IQCM: variants seen among roughly 807,000 people sequenced by gnomAD.
The protein encoded by IQCM is IQ domain-containing protein M.
Under a neutral mutation model 57.6 loss-of-function variants are expected in IQCM, and 45 were observed. That is an observed-to-expected ratio of 0.78 (90% CI 0.62 to 1.00). The LOEUF is 1.00. IQCM is among the 50% of genes least tolerant of loss of function. IQCM has a pLI of 0.00. For missense variants in IQCM, 468 were observed against 511.6 expected, an observed-to-expected ratio of 0.91 and a Z score of 0.82; for synonymous variants, 148 against 158.9, an observed-to-expected ratio of 0.93 and a Z score of 0.51.
chr4:149,622,748 C>A (rs956111292), intron 7 of IQCM, among the ~76,000 whole-genome samples: 4 of 152,084 alleles, frequency 2.6e-5, no homozygotes, highest in Non-Finnish European at 5.9e-5. Flanking sequence ...GATGTATACA[C>A]CCTTACGTTT....
chr4:149,643,467 T>C (rs1758379503), intron 7 of IQCM, among the ~76,000 whole-genome samples: 1 of 152,174 alleles, frequency 6.6e-6, no homozygotes, highest in South Asian at 2.1e-4. Flanking sequence ...CCACAGGTGA[T>C]AAGACATTTA....
intron 12 of IQCM, among the ~76,000 whole-genome samples, chr4:149,472,300 A>T (rs528077832): frequency 1.6e-3 from 250 of 152,308 alleles, no homozygotes; most frequent in African/African-American, 5.8e-3. Context: ...AATGTACAAA[A>T]ATCACAAGCA....
At chr4:149,546,456 T>G in intron 12 of IQCM, among the ~76,000 whole-genome samples, 1 of 152,226 alleles carries the variant, frequency 6.6e-6, no homozygotes, top group Non-Finnish European at 1.5e-5. Context: ...AGTGTTACTA[T>G]TTCTCCACAT....
intron 2 of IQCM, among the ~76,000 whole-genome samples, chr4:149,752,202 G>A (rs1322869887): frequency 1.3e-5 from 2 of 152,052 alleles, no homozygotes; most frequent in Non-Finnish European, 2.9e-5. Context: ...AAATCCCTGG[G>A]AGGAATAACA....
chr4:149,681,771 C>T (rs1418877649), intron 7 of IQCM, among the ~76,000 whole-genome samples: 2 of 151,140 alleles, frequency 1.3e-5, no homozygotes, highest in Non-Finnish European at 3.0e-5. Context: ...ATTTAAGGGA[C>T]TTTAAAGAAT....
At chr4:149,810,610 C>T (rs1190113601) in intron 2 of IQCM, among the ~76,000 whole-genome samples, 4 of 151,744 alleles carry the variant, frequency 2.6e-5, no homozygotes, top group Non-Finnish European at 4.4e-5. Flanking sequence ...CCACCACGCC[C>T]GGCTAAGTTT....
rs556338385 is a variant in IQCM, at chr4:149,757,083, C to T, written c.-48-14344G>A. 3.3e-5 allele frequency among the ~76,000 whole-genome samples: 5 copies of T among 152,046 alleles called. No individual in the cohort carries two copies. The South Asian group carries it at 1.0e-3, about 32-fold the overall frequency. On this transcript the variant is annotated intron_variant, in intron 2 of 13. Transcript: ENST00000636793. Reference sequence around the variant, plus strand: ...ACCATCCTGGCTAACACAGTGAAACCCCATCTCTACTAAAAATACAAAAAA... The same window carrying T: ...ACCATCCTGGCTAACACAGTGAAACTCCATCTCTACTAAAAATACAAAAAA...
chr4:149,392,730 T>C (rs1731953842), intron 13 of IQCM, among the ~76,000 whole-genome samples: 1 of 151,860 alleles, frequency 6.6e-6, no homozygotes, highest in African/African-American at 2.4e-5. Context: ...AAACTCAGAA[T>C]CCAAAATTTA....
At chr4:149,742,986 CTAT>C (rs1229610624) in intron 2 of IQCM, among the ~76,000 whole-genome samples, 1 of 152,022 alleles carries the variant, frequency 6.6e-6, no homozygotes, top group Non-Finnish European at 1.5e-5. Flanking sequence ...CTGATAAGAA[CTAT>C]TATTATGAAT....
chr4:149,509,910 T>C (rs539860577), intron 12 of IQCM, among the ~76,000 whole-genome samples: 7 of 152,298 alleles, frequency 4.6e-5, no homozygotes. Flanking sequence ...TAACTTTCTT[T>C]TCATTTCAAT....
At chr4:149,461,454 A>G (rs548795361) in intron 12 of IQCM, among the ~76,000 whole-genome samples, 1 of 152,082 alleles carries the variant, frequency 6.6e-6, no homozygotes, top group East Asian at 1.9e-4. Context: ...AAAATGTAAA[A>G]ACAAACATGA....
intron 12 of IQCM, among the ~76,000 whole-genome samples, chr4:149,481,763 G>A (rs1001292443): frequency 3.3e-5 from 3 of 90,702 alleles, no homozygotes; most frequent in Non-Finnish European, 6.0e-5. Context: ...TGGGTCTTCT[G>A]TGATTCCATA....
Position 149,442,943 on chromosome 4 carries a change from CACACACACACAGAGAG to C in IQCM, c.1229-9402_1229-9387del, listed in dbSNP as rs1736099051. Among the ~76,000 whole-genome samples, 3 of 53,700 alleles carry C rather than the reference CACACACACACAGAGAG, an allele frequency of 5.6e-5. 1 individual carries two copies. In the South Asian group the frequency reaches 3.1e-3, roughly 55 times the overall value. The allele number at this position is 53,700 out of a possible 152,430, so 35.2% of individuals were successfully genotyped here. ...CTCTCAATACACACACACACACACACACACACACACAGAGAGAGAGAGAGAGAGAGAGAGAGAGAGA... is the reference window on the plus strand; with the variant it reads ...CTCTCAATACACACACACACACACACAGAGAGAGAGAGAGAGAGAGAGAGA... On this transcript the variant is annotated intron_variant, in intron 12 of 13. Transcript: ENST00000636793.
At chr4:149,482,015 C>T (rs1740956835) in intron 12 of IQCM, among the ~76,000 whole-genome samples, 1 of 150,726 alleles carries the variant, frequency 6.6e-6, no homozygotes, top group Non-Finnish European at 1.5e-5. Flanking sequence ...AAATTAATTC[C>T]TAGGTATTTA....
chr4:149,727,719 C>G (rs1280457782), intron 5 of IQCM, among the ~76,000 whole-genome samples: 1 of 152,098 alleles, frequency 6.6e-6, no homozygotes, highest in African/African-American at 2.4e-5. Flanking sequence ...GAAGCTGGTC[C>G]TATGAATGTC....
At chr4:149,804,192 C>CTTATTTCAAAACAGTTACTT (rs1773871305) in intron 2 of IQCM, among the ~76,000 whole-genome samples, 1 of 151,992 alleles carries the variant, frequency 6.6e-6, no homozygotes, top group East Asian at 1.9e-4. Flanking sequence ...GCACTGTGGG[C>CTTATTTCAAAACAGTTACTT]TTATTTCAAA....
At chr4:149,534,631 T>A (rs536058085) in intron 12 of IQCM, among the ~76,000 whole-genome samples, 2 of 152,248 alleles carry the variant, frequency 1.3e-5, no homozygotes, top group East Asian at 3.9e-4. Context: ...AACAGTTTTA[T>A]GGTAGGAACA....
intron 12 of IQCM, among the ~76,000 whole-genome samples, chr4:149,544,134 T>A (rs912066122): frequency 3.9e-5 from 6 of 152,184 alleles, no homozygotes; most frequent in African/African-American, 1.4e-4. Flanking sequence ...AATGTTTGTT[T>A]CACTTCCTTA....
At chr4:149,806,268 A>G (rs1774071844) in intron 2 of IQCM, among the ~76,000 whole-genome samples, 1 of 151,888 alleles carries the variant, frequency 6.6e-6, no homozygotes, top group African/African-American at 2.4e-5. Flanking sequence ...AATTTAGTTT[A>G]GTTATTTTTT....
Sources: allele counts gnomAD v4.1 joint callset (sites outside exome capture counted in the v4.1 genomes callset), GRCh38; gene constraint gnomAD v4.1.1; transcripts MANE v1.5; gene names NCBI Gene and HGNC (gene_info 2026-07-23, HGNC 2026-07-21).